EFCAB6: variants seen among roughly 807,000 people sequenced by gnomAD.
EFCAB6 encodes EF-hand calcium-binding domain-containing protein 6.
Under a neutral mutation model 169.8 loss-of-function variants are expected in EFCAB6, and 156 were observed. The ratio of observed to expected loss-of-function variants is 0.92; its 90% CI spans 0.81 to 1.05. The LOEUF (loss-of-function observed/expected upper bound fraction) is 1.05, where lower values mean the gene tolerates loss of function less well. Ranked by LOEUF, EFCAB6 falls within the 50% of genes least tolerant of loss-of-function variation. EFCAB6 has a pLI of 0.00. For missense variants in EFCAB6, 1,800 were observed against 1,829.1 expected, an observed-to-expected ratio of 0.98 and a Z score of 0.29; for synonymous variants, 698 against 676.4, an observed-to-expected ratio of 1.03 and a Z score of -0.50.
chr22:43,637,942 T>A (rs1366104044), intron 17 of EFCAB6, among the ~76,000 whole-genome samples: 1 of 152,186 alleles, frequency 6.6e-6, no homozygotes, highest in Non-Finnish European at 1.5e-5. Flanking sequence ...ATGTACTGGA[T>A]CGTAAGGAAA....
rs142641577 is a variant in EFCAB6 at position 43,565,409 on chromosome 22, A to G, written c.3421-10313T>C. ...CTGACTGCTACAGTTCTGGGTTTCT[A>G]TTGAGTAAGAAGTAAAAAGGGATGA... On this transcript the variant is annotated intron_variant, in intron 26 of 31. Coordinates refer to ENST00000262726, the MANE Select transcript of EFCAB6 (RefSeq NM_022785.4). 4.7e-3 allele frequency among the ~76,000 whole-genome samples: 723 copies of G among 152,330 alleles called. 3 individuals carry two copies. The highest frequency in any genetic ancestry group is 0.027 in the Middle Eastern group (8 of 292).
chr22:43,573,696 A>G (rs1374060705), intron 26 of EFCAB6, among the ~76,000 whole-genome samples: 1 of 142,178 alleles, frequency 7.0e-6, no homozygotes, highest in Non-Finnish European at 1.5e-5. Flanking sequence ...GTGCCATTGC[A>G]CTCCAGCCTG....
At chr22:43,791,224 T>C (rs889955688) in intron 2 of EFCAB6, among the ~76,000 whole-genome samples, 1 of 151,942 alleles carries the variant, frequency 6.6e-6, no homozygotes, top group South Asian at 2.1e-4. Context: ...AATACAAAAA[T>C]GAGCCAGGTG....
intron 17 of EFCAB6, among the ~76,000 whole-genome samples, chr22:43,660,525 G>A (rs2056952231): frequency 6.6e-6 from 1 of 150,648 alleles, no homozygotes; most frequent in Non-Finnish European, 1.5e-5. Context: ...TATAAAATAA[G>A]TATACATATT....
At chr22:43,681,647 T>C (rs1441719661) in intron 12 of EFCAB6, among the ~76,000 whole-genome samples, 1 of 152,256 alleles carries the variant, frequency 6.6e-6, no homozygotes, top group African/African-American at 2.4e-5. Context: ...TAAAAATTCA[T>C]CTTTTTCTAA....
At chr22:43,784,384 C>T (rs897238674) in intron 2 of EFCAB6, among the ~76,000 whole-genome samples, 1 of 150,680 alleles carries the variant, frequency 6.6e-6, no homozygotes, top group Non-Finnish European at 1.5e-5. Flanking sequence ...GGTGCAGTGG[C>T]TCATGCCTGC....
chr22:43,540,665 G>A (rs756807179), intron 27 of EFCAB6: 30 of 897,930 alleles, frequency 3.3e-5, no homozygotes, highest in Non-Finnish European at 4.2e-5. Context: ...TGCCTGAGCT[G>A]CAGTGTATTC....
chr22:43,704,521 T>C (rs2058882986), intron 10 of EFCAB6, among the ~76,000 whole-genome samples: 1 of 152,164 alleles, frequency 6.6e-6, no homozygotes, highest in Non-Finnish European at 1.5e-5. Flanking sequence ...TCAGTACAAA[T>C]GTTAAAAGGA....
chr22:43,693,036 G>C (rs2058462807), intron 10 of EFCAB6, among the ~76,000 whole-genome samples: 1 of 152,126 alleles, frequency 6.6e-6, no homozygotes, highest in African/African-American at 2.4e-5. Flanking sequence ...CAATTTAAGA[G>C]ATGACATTTC....
chr22:43,779,622 C>T (rs1017948981), intron 3 of EFCAB6, among the ~76,000 whole-genome samples: 1 of 152,078 alleles, frequency 6.6e-6, no homozygotes, highest in Non-Finnish European at 1.5e-5. Context: ...CGCCTGTAGT[C>T]CCAGCTACTC....
At chr22:43,800,224 C>T (rs2062657842) in intron 2 of EFCAB6, among the ~76,000 whole-genome samples, 1 of 152,180 alleles carries the variant, frequency 6.6e-6, no homozygotes, top group South Asian at 2.1e-4. Context: ...TTTGGGACCT[C>T]CCCCATTCAG....
intron 5 of EFCAB6, among the ~76,000 whole-genome samples, chr22:43,756,441 T>C (rs558766974): frequency 6.6e-6 from 1 of 152,234 alleles, no homozygotes; most frequent in African/African-American, 2.4e-5. Context: ...CATCTGCTTG[T>C]CCCTATTCAC....
intron 8 of EFCAB6, among the ~76,000 whole-genome samples, chr22:43,729,357 A>G (rs1351264556): frequency 6.6e-6 from 1 of 152,140 alleles, no homozygotes; most frequent in Non-Finnish European, 1.5e-5. Flanking sequence ...TCAGCCTCCC[A>G]AAGTGCTGGG....
At position 43,795,295 on chromosome 22, in the gene EFCAB6, T is replaced by C. The variant is rs1417747970; in HGVS notation, c.-7-12970A>G. Among the ~76,000 whole-genome samples the C allele has an allele frequency of 1.3e-5, 2 of 152,196 alleles. No individual in the cohort carries two copies. Among genetic ancestry groups the C allele is most frequent in the African/African-American group, 4.8e-5 (2 of 41,432 alleles). On this transcript the variant is annotated intron_variant, in intron 2 of 31. Coordinates refer to ENST00000262726, the MANE Select transcript of EFCAB6 (RefSeq NM_022785.4). This position sits in a 1 kb window ranked among gnomAD's most constrained non-coding sequence, Gnocchi z 4.2. The stretch of plus-strand genomic sequence containing the variant: ...ATGAATACAACGATATAAAAATATA[T>C]TGTCACAAATAGACAGGGACTAGAA...
chr22:43,529,502 C>G (rs1375188723), intron 31 of EFCAB6, among the ~76,000 whole-genome samples: 1 of 152,248 alleles, frequency 6.6e-6, no homozygotes, highest in Non-Finnish European at 1.5e-5. Flanking sequence ...TCCTCTGTAT[C>G]CAGCTAACCG....
chr22:43,759,851 C>T (rs1569475213), intron 5 of EFCAB6: 2 of 152,198 alleles, frequency 1.3e-5, no homozygotes, highest in South Asian at 2.1e-4. Flanking sequence ...AGATGGCATA[C>T]TCTTTCTGTG....
rs183470687 is a variant in EFCAB6, at chr22:43,651,619, C to A, written c.1983+15485G>T. Among the ~76,000 whole-genome samples the A allele has an allele frequency of 4.0e-3, 615 of 152,336 alleles. 3 individuals carry two copies. The highest frequency in any genetic ancestry group is 0.014 in the Middle Eastern group (4 of 294). On this transcript the variant is annotated intron_variant, in intron 17 of 31. Transcript: ENST00000262726. ...CCTCCAAACCCCAGAACGGTAGATC[C>A]ACTGAAAGCTTGGACCATGCTCCTG...
At chr22:43,663,719 A>G (rs2148174274) in intron 17 of EFCAB6, among the ~76,000 whole-genome samples, 1 of 152,332 alleles carries the variant, frequency 6.6e-6, no homozygotes, top group South Asian at 2.1e-4. Flanking sequence ...TCATATGTTT[A>G]GACCCTAACT....
intron 6 of EFCAB6, among the ~76,000 whole-genome samples, chr22:43,740,584 T>G (rs1301586412): frequency 6.6e-6 from 1 of 152,224 alleles, no homozygotes; most frequent in African/African-American, 2.4e-5. Flanking sequence ...GTCTGTTATG[T>G]GCAGAGCCCC....
Sources: gnomAD v4.1 joint callset for allele counts (sites outside exome capture counted in the v4.1 genomes callset) on GRCh38, gnomAD v4.1.1 for gene constraint, Gnocchi (gnomAD v3.1) non-coding constraint, MANE v1.5 for transcripts, NCBI Gene and HGNC (gene_info 2026-07-23, HGNC 2026-07-21) for gene names.